Variants in MNS1 observed in about 807,000 individuals in gnomAD.
MNS1 encodes the protein meiosis-specific nuclear structural protein 1.
Under a neutral mutation model 72.0 loss-of-function variants are expected in MNS1, and 63 were observed. The ratio of observed to expected loss-of-function variants is 0.87; its 90% CI spans 0.71 to 1.08. MNS1 has a LOEUF of 1.08. Among genes scored for constraint, MNS1 ranks in the 50% least tolerant of loss-of-function variants. The pLI is 0.00. For missense variants in MNS1, 604 were observed against 562.4 expected, an observed-to-expected ratio of 1.07 and a Z score of -0.75; for synonymous variants, 188 against 172.1, an observed-to-expected ratio of 1.09 and a Z score of -0.72.
chr15:56,448,763 T>C (rs1162273761), intron 3 of MNS1, among the ~76,000 whole-genome samples: 1 of 148,930 alleles, frequency 6.7e-6, no homozygotes, highest in Non-Finnish European at 1.5e-5. Flanking sequence ...TTTTTTTTTT[T>C]TTTTTTTGGA....
chr15:56,429,767 A>G (rs1285640781), intron 9 of MNS1: 4 of 152,226 alleles, frequency 2.6e-5, no homozygotes. Flanking sequence ...ATTGCAATCT[A>G]AAGAATAAAG....
At chr15:56,448,526 G>A (rs1271178088) in intron 3 of MNS1, among the ~76,000 whole-genome samples, 2 of 152,054 alleles carry the variant, frequency 1.3e-5, no homozygotes, top group Non-Finnish European at 2.9e-5. Context: ...TTAGGATAAC[G>A]GCCTCCAGCT....
chr15:56,436,427 T>C (rs2050725995), intron 7 of MNS1, among the ~76,000 whole-genome samples: 1 of 152,124 alleles, frequency 6.6e-6, no homozygotes, highest in South Asian at 2.1e-4. Context: ...AGACACAACA[T>C]ACCAGAATCT....
At chr15:56,437,212 C>T (rs909294407) in intron 7 of MNS1, among the ~76,000 whole-genome samples, 25 of 152,236 alleles carry the variant, frequency 1.6e-4, no homozygotes, top group Non-Finnish European at 2.6e-4. Context: ...TGCAAAACTC[C>T]GCAATAAAAT....
chr15:56,460,009 A>AAAAAAAAAAAATAT lies in MNS1; in HGVS notation c.226-3489_226-3488insATATTTTTTTTTTT. ...CTGTCTCAAAAAAAAAAAAAAAAAA[A>AAAAAAAAAAAATAT]ATACATATATATATATATATATATA... On this transcript the variant is annotated intron_variant, in intron 2 of 9. Coordinates refer to ENST00000260453, the MANE Select transcript of MNS1 (RefSeq NM_018365.4). Among the ~76,000 whole-genome samples, 61 of 26,376 alleles carry AAAAAAAAAAAATAT rather than the reference A, an allele frequency of 2.3e-3. 12 individuals are homozygous for AAAAAAAAAAAATAT. Among genetic ancestry groups the AAAAAAAAAAAATAT allele is most frequent in the African/African-American group, 6.3e-3 (42 of 6,650 alleles). 17.3% of individuals were successfully genotyped at this position (26,376 alleles called of 152,430 possible).
chr15:56,442,526 G>A (rs1174592173), intron 7 of MNS1, among the ~76,000 whole-genome samples: 1 of 152,026 alleles, frequency 6.6e-6, no homozygotes, highest in East Asian at 1.9e-4. Context: ...AATAAAATGT[G>A]GTACATGTAC....
rs1459021306 is a variant in MNS1 at position 56,462,020 on chromosome 15, G to A, written c.225+2006C>T. ...TTTTTTTTTTTTTTTTGTGGGGTGG[G>A]GGCAGGGGAACAGGGTATCTGTCAT... On this transcript the variant is annotated intron_variant, in intron 2 of 9. Coordinates refer to ENST00000260453, the MANE Select transcript of MNS1 (RefSeq NM_018365.4). Among the ~76,000 whole-genome samples the A allele has an allele frequency of 7.7e-5, 11 of 142,558 alleles. No individual in the cohort carries two copies. The Admixed American group carries it at 7.7e-4, about 10-fold the overall frequency. The allele number at this position is 142,558 out of a possible 152,430, so 93.5% of individuals were successfully genotyped here.
At chr15:56,460,024 A>ATG (rs2140382077) in intron 2 of MNS1, among the ~76,000 whole-genome samples, 1 of 98,214 alleles carries the variant, frequency 1.0e-5, no homozygotes, top group Admixed American at 1.2e-4. Flanking sequence ...ATATATATAT[A>ATG]TATATATATA....
Position 56,465,011 on chromosome 15 carries a change from GCCACCACCTCC to G in MNS1, c.-50_-40del. The G allele has an allele frequency of 6.3e-7, 1 of 1,598,264 alleles. No individual in the cohort carries two copies. ...AAATACCCCCTCTCGTGGGACCGCG[GCCACCACCTCC>G]CGCCGCAAACGCAGCAGCCAGCAGC... On this transcript the variant is annotated 5_prime_UTR_variant, in exon 1 of 10. Transcript: ENST00000260453.
chr15:56,437,202 T>G (rs1354480032), intron 7 of MNS1, among the ~76,000 whole-genome samples: 1 of 152,142 alleles, frequency 6.6e-6, no homozygotes, highest in African/African-American at 2.4e-5. Flanking sequence ...TGAACATTGA[T>G]GCAAAACTCC....
chr15:56,434,025 A>G (rs1429355918), intron 8 of MNS1, 113 bp downstream of exon 8: 1 of 1,166,496 alleles, frequency 8.6e-7, no homozygotes, highest in East Asian at 2.4e-5. Flanking sequence ...ATATTAGTAA[A>G]CATACTAACA....
chr15:56,431,252 C>T, intron 9 of MNS1, 121 bp downstream of exon 9: 1 of 1,112,930 alleles, frequency 9.0e-7, no homozygotes, highest in Non-Finnish European at 1.3e-6. Context: ...AGGAGGATCC[C>T]ATTGCTGCTT....
At chr15:56,452,808 G>A (rs1312832973) in intron 3 of MNS1, among the ~76,000 whole-genome samples, 1 of 151,982 alleles carries the variant, frequency 6.6e-6, no homozygotes, top group Non-Finnish European at 1.5e-5. Flanking sequence ...ATGAGCCACC[G>A]CACCCGGCCT....
intron 2 of MNS1, among the ~76,000 whole-genome samples, chr15:56,457,095 T>C (rs1203527014): frequency 6.6e-6 from 1 of 152,202 alleles, no homozygotes; most frequent in African/African-American, 2.4e-5. Context: ...ATTATTATTT[T>C]TCTTAAGTCT....
Position 56,462,633 on chromosome 15 carries a change from C to T in MNS1, c.225+1393G>A, listed in dbSNP as rs939312062. Among the ~76,000 whole-genome samples, 4 of 152,124 alleles carry T rather than the reference C, an allele frequency of 2.6e-5. No individual in the cohort carries two copies. In the South Asian group the frequency reaches 6.2e-4, roughly 24 times the overall value. On this transcript the variant is annotated intron_variant, in intron 2 of 9. Transcript: ENST00000260453. ...AACATGAAGTCAAAAAAGAAAAACA[C>T]GGTGAAGGAGGGGCTGTTTTCAATT...
chr15:56,440,044 A>G (rs948195996), intron 7 of MNS1, among the ~76,000 whole-genome samples: 3 of 152,152 alleles, frequency 2.0e-5, no homozygotes, highest in African/African-American at 7.2e-5. Context: ...GAATATATGA[A>G]GAACTCTCAA....
chr15:56,463,454 A>G (rs1218198720), intron 2 of MNS1, among the ~76,000 whole-genome samples: 5 of 152,208 alleles, frequency 3.3e-5, no homozygotes, highest in Non-Finnish European at 7.3e-5. Context: ...AGTAGGAGGT[A>G]CTATTCTTAT....
At chr15:56,453,173 G>A (rs2050959488) in intron 3 of MNS1, among the ~76,000 whole-genome samples, 1 of 151,796 alleles carries the variant, frequency 6.6e-6, no homozygotes, top group Non-Finnish European at 1.5e-5. Flanking sequence ...ATCTCATTTT[G>A]TCATATTTTT....
chr15:56,461,972 G>GTTT (rs2051024692), intron 2 of MNS1, among the ~76,000 whole-genome samples: 2 of 9,686 alleles, frequency 2.1e-4, no homozygotes, highest in Non-Finnish European at 4.8e-4. Flanking sequence ...TTTTTTTGTT[G>GTTT]TTGTTTTTTT....
Sources: allele counts gnomAD v4.1 joint callset (sites outside exome capture counted in the v4.1 genomes callset), GRCh38; gene constraint gnomAD v4.1.1; transcripts MANE v1.5; gene names NCBI Gene and HGNC (gene_info 2026-07-23, HGNC 2026-07-21).